KCNT2: variants seen among roughly 807,000 people sequenced by gnomAD.
KCNT2 encodes the protein potassium sodium-activated channel subfamily T member 2, also known as potassium channel subfamily T member 2.
Under a neutral mutation model 153.8 loss-of-function variants are expected in KCNT2, and 67 were observed. The ratio of observed to expected loss-of-function variants is 0.44; its 90% CI spans 0.36 to 0.53. The LOEUF (loss-of-function observed/expected upper bound fraction) is 0.53. KCNT2 is among the 20% of genes least tolerant of loss of function. The pLI is 0.00. For synonymous variants in KCNT2, 500 were observed against 458.8 expected, an observed-to-expected ratio of 1.09 and a Z score of -1.15; for missense variants, 975 against 1,354.8, an observed-to-expected ratio of 0.72 and a Z score of 4.40.
chr1:196,408,953 G>T (rs1672061309), intron 12 of KCNT2, among the ~76,000 whole-genome samples: 1 of 151,430 alleles, frequency 6.6e-6, no homozygotes, highest in African/African-American at 2.4e-5. Context: ...TGCTAAGACA[G>T]AAGTGTTGAA....
intron 1 of KCNT2, among the ~76,000 whole-genome samples, chr1:196,552,027 T>C (rs945388731): frequency 6.6e-6 from 1 of 151,592 alleles, no homozygotes; most frequent in Non-Finnish European, 1.5e-5. Context: ...GAAATGTTTA[T>C]AAATATAGTG....
chr1:196,391,080 T>C (rs886195377), intron 13 of KCNT2, among the ~76,000 whole-genome samples: 4 of 151,220 alleles, frequency 2.6e-5, no homozygotes, highest in Non-Finnish European at 5.9e-5. Context: ...TGGTTTGATA[T>C]ACATGGAGGT....
At chr1:196,580,270 G>C (rs995475524) in intron 1 of KCNT2, among the ~76,000 whole-genome samples, 30 of 152,112 alleles carry the variant, frequency 2.0e-4, no homozygotes, top group Admixed American at 2.0e-4. Context: ...GCTCAACAGA[G>C]AAAAAAGTGA....
At chr1:196,395,466 C>G (rs1459712211) in intron 13 of KCNT2, among the ~76,000 whole-genome samples, 2 of 151,554 alleles carry the variant, frequency 1.3e-5, no homozygotes, top group Non-Finnish European at 3.0e-5. Context: ...ATAAATTATA[C>G]CAGTTGCTTA....
In KCNT2 at chr1:196,226,330, T is replaced by C. The variant is rs1489132403; in HGVS notation, c.*1894A>G. The C allele has an allele frequency of 6.6e-6, 1 of 152,056 alleles. No homozygotes were observed. The highest frequency in any genetic ancestry group is 1.5e-5 in the Non-Finnish European group (1 of 67,888). 9.4% of individuals were successfully genotyped at this position (152,056 alleles called of 1,614,324 possible). ...TATAAAACAAGTTCATAAAATTTAT[T>C]GTTTTTCTCTGTTACATATATTAGT... On this transcript the variant is annotated 3_prime_UTR_variant, in exon 28 of 28. Coordinates refer to ENST00000294725, the MANE Select transcript of KCNT2 (RefSeq NM_198503.5).
intron 1 of KCNT2, among the ~76,000 whole-genome samples, chr1:196,552,488 T>C (rs1658047398): frequency 6.6e-6 from 1 of 151,402 alleles, no homozygotes. Context: ...GGGATTTCAT[T>C]AACACCAGAC....
At chr1:196,452,118 G>T (rs1676265481) in intron 8 of KCNT2, among the ~76,000 whole-genome samples, 1 of 151,926 alleles carries the variant, frequency 6.6e-6, no homozygotes, top group South Asian at 2.1e-4. Context: ...CTATAAAGAT[G>T]CTTGTATGAC....
intron 1 of KCNT2, among the ~76,000 whole-genome samples, chr1:196,602,313 C>A (rs545513132): frequency 6.6e-5 from 10 of 152,086 alleles, no homozygotes; most frequent in Admixed American, 1.3e-4. Context: ...ACAACTTAGA[C>A]AAGCATGGTG....
At position 196,345,771 on chromosome 1, in the gene KCNT2, A is replaced by G. The variant is rs778573280; in HGVS notation, c.1404-3543T>C. Among the ~76,000 whole-genome samples, 15 of 152,186 alleles carry G rather than the reference A, an allele frequency of 9.9e-5. 1 individual carries two copies. The highest frequency in any genetic ancestry group is 2.2e-4 in the Non-Finnish European group (15 of 68,038). ...GACTTCGAGAATTTGCTAATGGAAG[A>G]GAAAAATATATAACAATCTTAAATA... is the stretch of plus-strand genomic sequence containing the variant. On this transcript the variant is annotated intron_variant, in intron 14 of 27. Coordinates refer to ENST00000294725, the MANE Select transcript of KCNT2 (RefSeq NM_198503.5).
chr1:196,424,708 T>G (rs1418198824), intron 11 of KCNT2, among the ~76,000 whole-genome samples: 1 of 151,712 alleles, frequency 6.6e-6, no homozygotes, highest in Non-Finnish European at 1.5e-5. Flanking sequence ...GAAAAAAAAC[T>G]CCATTAAATC....
intron 14 of KCNT2, among the ~76,000 whole-genome samples, chr1:196,372,372 C>A (rs1668611842): frequency 6.6e-6 from 1 of 151,830 alleles, no homozygotes; most frequent in South Asian, 2.1e-4. Context: ...GTAATCATAA[C>A]CACTAGCATA....
At chr1:196,240,430 T>C (rs2102253977) in intron 26 of KCNT2, among the ~76,000 whole-genome samples, 1 of 152,160 alleles carries the variant, frequency 6.6e-6, no homozygotes, top group East Asian at 1.9e-4. Context: ...TCACATTGAT[T>C]TATAGTTCTT....
chr1:196,284,332 A>G (rs1233498158), intron 23 of KCNT2, among the ~76,000 whole-genome samples: 1 of 134,238 alleles, frequency 7.4e-6, no homozygotes, highest in Non-Finnish European at 1.6e-5. Flanking sequence ...AATTTCCTGT[A>G]TCTCTATTTA....
chr1:196,339,791 G>T (rs1254415972), intron 16 of KCNT2, among the ~76,000 whole-genome samples: 1 of 151,962 alleles, frequency 6.6e-6, no homozygotes, highest in Non-Finnish European at 1.5e-5. Flanking sequence ...TTTGCATGGA[G>T]GTATTTTTTC....
At chr1:196,477,422 C>A (rs1408673309) in intron 5 of KCNT2, among the ~76,000 whole-genome samples, 4 of 151,658 alleles carry the variant, frequency 2.6e-5, no homozygotes, top group Non-Finnish European at 5.9e-5. Flanking sequence ...CCTGTCTCTA[C>A]AAAAAAATAC....
At chr1:196,438,123 G>A (rs986294509) in intron 8 of KCNT2, among the ~76,000 whole-genome samples, 2 of 151,644 alleles carry the variant, frequency 1.3e-5, no homozygotes, top group Admixed American at 6.6e-5. Flanking sequence ...TCTGTGAAAT[G>A]TCTGGGATAG....
At chr1:196,590,109 A>C (rs1392024439) in intron 1 of KCNT2, among the ~76,000 whole-genome samples, 1 of 152,180 alleles carries the variant, frequency 6.6e-6, no homozygotes, top group Non-Finnish European at 1.5e-5. Context: ...CAAATAAAAA[A>C]AATGCAAAGT....
Position 196,293,755 on chromosome 1 carries a change from A to G in KCNT2, c.2596-7997T>C, listed in dbSNP as rs553687159. On this transcript the variant is annotated intron_variant, in intron 22 of 27. Transcript: ENST00000294725. Reference sequence around the variant, plus strand: ...AAACATAAAGGAAGTATTCCACAACATTGCTCTGGGCAATAATTTATTGTC... The same window carrying G: ...AAACATAAAGGAAGTATTCCACAACGTTGCTCTGGGCAATAATTTATTGTC... Among the ~76,000 whole-genome samples the G allele has an allele frequency of 5.9e-5, 9 of 152,124 alleles. No individual in the cohort carries two copies. In the South Asian group the frequency reaches 1.9e-3, roughly 32 times the overall value.
At chr1:196,292,505 T>A (rs1660273574) in intron 22 of KCNT2, among the ~76,000 whole-genome samples, 1 of 152,084 alleles carries the variant, frequency 6.6e-6, no homozygotes, top group Non-Finnish European at 1.5e-5. Context: ...GTAAAAGGCA[T>A]CTAAATAGAA....
Sources: allele counts gnomAD v4.1 joint callset (sites outside exome capture counted in the v4.1 genomes callset), GRCh38; gene constraint gnomAD v4.1.1; transcripts MANE v1.5; gene names NCBI Gene and HGNC (gene_info 2026-07-23, HGNC 2026-07-21).